TMEM255B: variants seen among roughly 807,000 people sequenced by gnomAD.
The protein encoded by TMEM255B is family with sequence similarity 70, member B.
A neutral mutation model predicts 34.5 loss-of-function variants in TMEM255B; 35 were observed. The observed-to-expected ratio is 1.01, with a 90% CI of 0.77 to 1.34. The LOEUF is 1.34. TMEM255B is among the 40% of genes most tolerant of loss of function. The pLI, the probability that TMEM255B is intolerant of heterozygous loss-of-function variation, is 0.00. For missense variants in TMEM255B, 432 were observed against 433.2 expected, an observed-to-expected ratio of 1.00 and a Z score of 0.02; for synonymous variants, 206 against 201.2, an observed-to-expected ratio of 1.02 and a Z score of -0.20.
chr13:113,800,253 G>A lies in TMEM255B; in HGVS notation c.424-574G>A, dbSNP rs1231481803. Reference sequence around the variant, plus strand: ...TATGTGGGGGGGAGGCATCCTGTGTGTGTGTGTGTGGAGGTGTCCTGTGTG... The same window carrying A: ...TATGTGGGGGGGAGGCATCCTGTGTATGTGTGTGTGGAGGTGTCCTGTGTG... On this transcript the variant is annotated intron_variant, in intron 5 of 8. Transcript: ENST00000375353. Among the ~76,000 whole-genome samples, 9 of 143,784 alleles carry A rather than the reference G, an allele frequency of 6.3e-5. No individual in the cohort carries two copies. The East Asian group carries it at 1.9e-3, about 31-fold the overall frequency. The allele number at this position is 143,784 out of a possible 152,430, so 94.3% of individuals were successfully genotyped here.
At chr13:113,795,507 G>T (rs1402233632) in intron 4 of TMEM255B, among the ~76,000 whole-genome samples, 1 of 134,128 alleles carries the variant, frequency 7.5e-6, no homozygotes, top group Admixed American at 7.8e-5. Flanking sequence ...CCACAACAGA[G>T]CACACAGCAC....
At position 113,781,054 on chromosome 13, in the gene TMEM255B, C is replaced by T. The variant is rs553250501; in HGVS notation, c.252+11894C>T. 5.3e-4 allele frequency among the ~76,000 whole-genome samples: 81 copies of T among 152,204 alleles called. 1 individual carries two copies. Among genetic ancestry groups the T allele is most frequent in the African/African-American group, 1.7e-3 (72 of 41,530 alleles). ...TGTATAATTTTTATACCAAATAAGCCGAATTTCACCTTTACATTAGTGTAC... is the reference window on the plus strand; with the variant it reads ...TGTATAATTTTTATACCAAATAAGCTGAATTTCACCTTTACATTAGTGTAC... On this transcript the variant is annotated intron_variant, in intron 3 of 8. Transcript: ENST00000375353.
chr13:113,759,290 G>T lies in TMEM255B; in HGVS notation c.21G>T (p.Gly7=), dbSNP rs137968415. Residue 7 remains glycine, a synonymous_variant, in exon 1 of 9, where the codon GGG becomes GGT. Transcript: ENST00000375353. MQPPVP[G]PLGLLDPAEG... is the part of the protein sequence containing the mutation. ...TCGGGATGCAGCCGCCGGTGCCCGG[G>T]CCCCTGGGCCTGCTGGACCCCGCAG... is the stretch of plus-strand genomic sequence containing the variant. 12 of 1,229,194 alleles carry T rather than the reference G, an allele frequency of 9.8e-6. No individual in the cohort carries two copies. In the Admixed American group the frequency reaches 1.7e-4, roughly 17 times the overall value. 76.1% of individuals were successfully genotyped at this position (1,229,194 alleles called of 1,614,324 possible).
intron 2 of TMEM255B, among the ~76,000 whole-genome samples, chr13:113,767,947 G>T (rs905575806): frequency 6.6e-6 from 1 of 152,250 alleles, no homozygotes; most frequent in African/African-American, 2.4e-5. Context: ...CTCAGCACAT[G>T]AAGAAATATT....
chr13:113,790,179 C>G (rs1293299941), intron 3 of TMEM255B, among the ~76,000 whole-genome samples: 1 of 121,580 alleles, frequency 8.2e-6, no homozygotes, highest in African/African-American at 2.7e-5. Context: ...ACTGACCAGA[C>G]ACGTGGACAT....
At chr13:113,799,543 C>T in intron 5 of TMEM255B, 124 bp downstream of exon 5, 1 of 885,924 alleles carries the variant, frequency 1.1e-6, no homozygotes, top group Non-Finnish European at 1.8e-6. Flanking sequence ...GGGGTCACCC[C>T]TGCAGCTGGT....
chr13:113,799,503 G>GTC (rs1353223791), intron 5 of TMEM255B, 84 bp downstream of exon 5: 13 of 1,307,834 alleles, frequency 9.9e-6, no homozygotes, highest in Non-Finnish European at 1.4e-5. Flanking sequence ...CATAGGCGTG[G>GTC]TCTGAATATT....
At chr13:113,804,611 G>A (rs1191237706) in intron 7 of TMEM255B, among the ~76,000 whole-genome samples, 3 of 150,314 alleles carry the variant, frequency 2.0e-5, no homozygotes, top group Non-Finnish European at 3.0e-5. Context: ...ACGCCGGGCC[G>A]GGGTTAGCTC....
intron 2 of TMEM255B, among the ~76,000 whole-genome samples, chr13:113,767,943 A>C (rs2050415919): frequency 6.6e-6 from 1 of 152,286 alleles, no homozygotes; most frequent in African/African-American, 2.4e-5. Context: ...GAAGCTCAGC[A>C]CATGAAGAAA....
chr13:113,794,418 G>T (rs371003334), intron 3 of TMEM255B, among the ~76,000 whole-genome samples: 8 of 151,962 alleles, frequency 5.3e-5, no homozygotes, highest in Non-Finnish European at 1.2e-4. Flanking sequence ...CCTCTTTCCC[G>T]AGCCGACAAC....
At chr13:113,804,831 CCCTTCCCTCCACTAGG>C (rs2051137274) in intron 7 of TMEM255B, 38 bp from the exon 8 acceptor site, 1 of 1,500,044 alleles carries the variant, frequency 6.7e-7, no homozygotes, top group Non-Finnish European at 9.0e-7. Flanking sequence ...GGCTGGACAG[CCCTTCCCTCCACTAGG>C]GGGTACACGC....
intron 3 of TMEM255B, among the ~76,000 whole-genome samples, chr13:113,784,808 C>T (rs543062419): frequency 3.3e-5 from 5 of 151,812 alleles, no homozygotes; most frequent in East Asian, 1.9e-4. Context: ...TAGCCTGGGA[C>T]GAGCTGCCAC....
In TMEM255B at chr13:113,811,856, C is replaced by A. The variant is rs569808154; in HGVS notation, c.934C>A (p.Pro312Thr). ...LPGQAPPCYA[P>T]TYFPPGEKPP... is the part of the protein sequence containing the mutation. Reference sequence around the variant, plus strand: ...CGGCCAGGCTCCACCGTGCTACGCACCCACCTACTTTCCCCCGGGGGAGAA... The same window carrying A: ...CGGCCAGGCTCCACCGTGCTACGCAACCACCTACTTTCCCCCGGGGGAGAA... The change falls in exon 9 of 9, where the codon CCC (proline) becomes ACC (threonine). Residue 312 changes from proline to threonine, a missense_variant. Transcript: ENST00000375353. 1.1e-5 allele frequency: 17 copies of A among 1,613,802 alleles called. No individual in the cohort carries two copies. The South Asian group carries it at 1.6e-4, about 16-fold the overall frequency.
At chr13:113,783,234 T>C (rs2138545266) in intron 3 of TMEM255B, among the ~76,000 whole-genome samples, 1 of 152,318 alleles carries the variant, frequency 6.6e-6, no homozygotes, top group Admixed American at 6.5e-5. Context: ...ATTAACTGCC[T>C]TATGGGCATT....
rs199895059 is a variant in TMEM255B, at chr13:113,804,918, G to A, written c.703G>A (p.Val235Ile). The change falls in exon 8 of 9, where the codon GTC becomes ATC. Residue 235 changes from valine to isoleucine, a missense_variant. Physicochemically the swap from Val to Ile is conservative, Grantham distance 29. Coordinates refer to ENST00000375353, the MANE Select transcript of TMEM255B (RefSeq NM_182614.4). ...GTCCCAGCTGGCCTATGGCCCAGCC[G>A]TCCCACCACAGACCCTCTACAACCC... ...PLSQLAYGPA[V>I]PPQTLYNPAQ... 126 of 1,603,478 alleles carry A rather than the reference G, an allele frequency of 7.9e-5. No homozygotes were observed. The African/African-American group carries it at 1.0e-3, about 13-fold the overall frequency.
intron 5 of TMEM255B, among the ~76,000 whole-genome samples, chr13:113,800,301 CTGTGTGTGTG>C (rs1220505809): frequency 1.1e-3 from 108 of 97,102 alleles, no homozygotes; most frequent in African/African-American, 2.8e-3. Flanking sequence ...GAGGCGTCCT[CTGTGTGTGTG>C]TGTGTGTGTG....
intron 1 of TMEM255B, 71 bp from the exon 2 acceptor site, chr13:113,766,044 C>G: frequency 6.3e-7 from 1 of 1,593,856 alleles, no homozygotes; most frequent in Non-Finnish European, 8.5e-7. Flanking sequence ...GAGCACGGCC[C>G]AGAGCCTGCT....
At chr13:113,796,098 C>G (rs540979526) in intron 4 of TMEM255B, among the ~76,000 whole-genome samples, 35 of 143,962 alleles carry the variant, frequency 2.4e-4, no homozygotes, top group South Asian at 6.9e-4. Flanking sequence ...ACAGCACACA[C>G]CACACAACAC....
At chr13:113,807,540 TG>T (rs1224665938) in intron 8 of TMEM255B, among the ~76,000 whole-genome samples, 8 of 118,182 alleles carry the variant, frequency 6.8e-5, no homozygotes, top group African/African-American at 2.7e-4. Flanking sequence ...TTACGGGATG[TG>T]GGGGGTAGTC....
Sources: allele counts gnomAD v4.1 joint callset (sites outside exome capture counted in the v4.1 genomes callset), GRCh38; gene constraint gnomAD v4.1.1; transcripts MANE v1.5; gene names NCBI Gene and HGNC (gene_info 2026-07-23, HGNC 2026-07-21).